ANK3: variants seen among roughly 807,000 people sequenced by gnomAD.
ANK3 encodes ankyrin-3.
A neutral mutation model predicts 370.9 loss-of-function variants in ANK3; 57 were observed. That is an observed-to-expected ratio of 0.15 (90% confidence interval 0.12 to 0.19). The LOEUF is 0.19. ANK3 is among the 10% of genes least tolerant of loss of function. The pLI, the probability that ANK3 is intolerant of heterozygous loss-of-function variation, is 1.00. For synonymous variants in ANK3, 1,929 were observed against 1,946.3 expected, an observed-to-expected ratio of 0.99 and a Z score of 0.23; for missense variants, 4,439 against 5,302.1, an observed-to-expected ratio of 0.84 and a Z score of 5.06.
At chr10:60,409,011 T>C (rs1489351834) in intron 2 of ANK3, among the ~76,000 whole-genome samples, 1 of 152,182 alleles carries the variant, frequency 6.6e-6, no homozygotes, top group Non-Finnish European at 1.5e-5. Flanking sequence ...GACTCTCCTG[T>C]CCTCCTTAAG....
intron 17 of ANK3, among the ~76,000 whole-genome samples, chr10:60,185,980 CCAA>C (rs2096315917): frequency 6.6e-6 from 1 of 152,144 alleles, no homozygotes; most frequent in African/African-American, 2.4e-5. Flanking sequence ...TTCAAAATTG[CCAA>C]CAACTTCTCC....
chr10:60,500,139 T>G (rs1226387940), intron 2 of ANK3, among the ~76,000 whole-genome samples: 1 of 152,178 alleles, frequency 6.6e-6, no homozygotes, highest in African/African-American at 2.4e-5. Flanking sequence ...TGTCAGGTCT[T>G]AATAATATCT....
chr10:60,605,539 T>A (rs1409515646), intron 2 of ANK3, among the ~76,000 whole-genome samples: 2 of 152,326 alleles, frequency 1.3e-5, no homozygotes, highest in East Asian at 3.9e-4. Context: ...TATACTTAGT[T>A]ATAGATTCTA....
At chr10:60,430,450 G>C (rs919200456) in intron 2 of ANK3, among the ~76,000 whole-genome samples, 5 of 150,284 alleles carry the variant, frequency 3.3e-5, no homozygotes, top group Non-Finnish European at 7.4e-5. Flanking sequence ...AACTGGCAGG[G>C]CTTCTCTATT....
At chr10:60,511,019 AT>A (rs751737555) in intron 2 of ANK3, among the ~76,000 whole-genome samples, 29 of 151,916 alleles carry the variant, frequency 1.9e-4, no homozygotes, top group Admixed American at 3.3e-4. Context: ...GTGAGAAAAC[AT>A]TTTTTTAAGG....
At chr10:60,110,720 A>C (rs905691510) in intron 26 of ANK3, among the ~76,000 whole-genome samples, 1 of 152,226 alleles carries the variant, frequency 6.6e-6, no homozygotes, top group Non-Finnish European at 1.5e-5. Context: ...TGGCAATATT[A>C]TAAGACAAAA....
intron 4 of ANK3, among the ~76,000 whole-genome samples, chr10:60,278,563 G>A (rs1429281929): frequency 6.6e-6 from 1 of 151,948 alleles, no homozygotes; most frequent in African/African-American, 2.4e-5. Context: ...GTAGAGACAG[G>A]ATTTCACCAT....
chr10:60,545,441 G>GA (rs397723698), intron 2 of ANK3, among the ~76,000 whole-genome samples: 98,974 of 148,298 alleles, frequency 0.67, 33,275 homozygotes, highest in South Asian at 0.86. Context: ...CTAATCAAAT[G>GA]AAAAAAAAAA....
chr10:60,629,702 C>T (rs140361139), intron 1 of ANK3, among the ~76,000 whole-genome samples: 166 of 151,590 alleles, frequency 1.1e-3, no homozygotes, highest in African/African-American at 3.8e-3. Flanking sequence ...TGTTCAAAGG[C>T]AATATTAGCT....
chr10:60,673,856 C>T (rs953316456), intron 1 of ANK3, among the ~76,000 whole-genome samples: 3 of 152,016 alleles, frequency 2.0e-5, no homozygotes, highest in African/African-American at 7.3e-5. Context: ...AGGAGTAGTC[C>T]AATTAGAAGC....
At chr10:60,309,543 C>T (rs879921856) in intron 1 of ANK3, among the ~76,000 whole-genome samples, 6 of 152,062 alleles carry the variant, frequency 3.9e-5, no homozygotes, top group Non-Finnish European at 7.4e-5. Context: ...AGTTGATGAG[C>T]TTACAGTTGT....
At chr10:60,323,350 A>G (rs1008194211) in intron 1 of ANK3, among the ~76,000 whole-genome samples, 2 of 152,220 alleles carry the variant, frequency 1.3e-5, no homozygotes, top group African/African-American at 4.8e-5. Context: ...AGCCTCATAC[A>G]CAGGCCAAGT....
intron 1 of ANK3, among the ~76,000 whole-genome samples, chr10:60,678,093 G>A (rs1471523612): frequency 6.6e-6 from 1 of 152,134 alleles, no homozygotes; most frequent in Non-Finnish European, 1.5e-5. Flanking sequence ...AACAAGGCAC[G>A]GTAACTTAGA....
Position 60,362,126 on chromosome 10 carries a change from CTATGTGGTCACTTTTAATGATTCA to C in ANK3, c.114+27275_114+27298del, listed in dbSNP as rs538811347. On this transcript the variant is annotated intron_variant, in intron 1 of 43. Transcript: ENST00000280772. ...AACATATCTATACTCTCAGGATGTCCTATGTGGTCACTTTTAATGATTCAATAGTGTTCCATTATCCATTTAACC... is the reference window on the plus strand; with the variant it reads ...AACATATCTATACTCTCAGGATGTCCATAGTGTTCCATTATCCATTTAACC... Among the ~76,000 whole-genome samples the C allele has an allele frequency of 2.7e-3, 414 of 152,164 alleles. 1 individual carries two copies. Among genetic ancestry groups the C allele is most frequent in the African/African-American group, 9.5e-3 (396 of 41,492 alleles).
At chr10:60,118,264 A>G (rs1170681448) in intron 25 of ANK3, among the ~76,000 whole-genome samples, 1 of 152,216 alleles carries the variant, frequency 6.6e-6, no homozygotes, top group African/African-American at 2.4e-5. Context: ...CTTACTCTGA[A>G]TTACACAGAT....
chr10:60,262,099 A>G, intron 6 of ANK3, 142 bp from the exon 7 acceptor site: 1 of 668,182 alleles, frequency 1.5e-6, no homozygotes, highest in South Asian at 1.9e-5. Context: ...GGTTTCGATC[A>G]GTGCCAATTG....
chr10:60,115,791 C>T (rs772845221), intron 25 of ANK3, among the ~76,000 whole-genome samples: 3 of 151,930 alleles, frequency 2.0e-5, no homozygotes, highest in Non-Finnish European at 4.4e-5. Context: ...AGATGTGGAA[C>T]ATTGAGAGAT....
intron 25 of ANK3, among the ~76,000 whole-genome samples, chr10:60,129,038 C>T (rs191270315): frequency 6.6e-6 from 1 of 152,314 alleles, no homozygotes; most frequent in East Asian, 1.9e-4. Context: ...AGACTCATCC[C>T]TTTATTTATT....
intron 1 of ANK3, among the ~76,000 whole-genome samples, chr10:60,335,540 A>G (rs1326888454): frequency 1.3e-5 from 2 of 152,118 alleles, no homozygotes; most frequent in Non-Finnish European, 2.9e-5. Context: ...AGCCTTTACA[A>G]ACAGCTGCAG....
Sources: allele counts gnomAD v4.1 joint callset (sites outside exome capture counted in the v4.1 genomes callset), GRCh38; gene constraint gnomAD v4.1.1; transcripts MANE v1.5; gene names NCBI Gene and HGNC (gene_info 2026-07-23, HGNC 2026-07-21).